DIS3L2: variants seen among roughly 807,000 people sequenced by gnomAD.
DIS3L2 encodes DIS3 like 3'-5' exoribonuclease 2.
Under a neutral mutation model 97.5 loss-of-function variants are expected in DIS3L2, and 34 were observed. That is an observed-to-expected ratio of 0.35 (90% confidence interval 0.27 to 0.46). The LOEUF (loss-of-function observed/expected upper bound fraction) is 0.46, where lower values mean the gene tolerates loss of function less well. DIS3L2 is among the 20% of genes least tolerant of loss of function. The pLI is 1.00. For missense variants in DIS3L2, 1,038 were observed against 1,146.0 expected, an observed-to-expected ratio of 0.91 and a Z score of 1.36; for synonymous variants, 435 against 445.2, an observed-to-expected ratio of 0.98 and a Z score of 0.29.
intron 6 of DIS3L2, among the ~76,000 whole-genome samples, chr2:232,091,609 G>A (rs1329599136): frequency 6.6e-6 from 1 of 152,150 alleles, no homozygotes; most frequent in East Asian, 1.9e-4. Flanking sequence ...AGTGCTGCGA[G>A]AAACATGGGA....
chr2:231,982,061 TTGG>T (rs1345108639), intron 1 of DIS3L2, among the ~76,000 whole-genome samples: 23 of 151,668 alleles, frequency 1.5e-4, no homozygotes, highest in Non-Finnish European at 2.7e-4. Flanking sequence ...GAAATACTAG[TTGG>T]TGATAAATTT....
At chr2:232,267,152 C>A (rs531213675) in intron 13 of DIS3L2, among the ~76,000 whole-genome samples, 1 of 152,332 alleles carries the variant, frequency 6.6e-6, no homozygotes, top group South Asian at 2.1e-4. Context: ...CCCTCAGGGC[C>A]ACCTAGTCTG....
intron 10 of DIS3L2, among the ~76,000 whole-genome samples, chr2:232,225,389 G>A (rs1692618117): frequency 6.6e-6 from 1 of 152,106 alleles, no homozygotes; most frequent in African/African-American, 2.4e-5. Context: ...ATATTATATA[G>A]CAACAGAGTG....
intron 6 of DIS3L2, among the ~76,000 whole-genome samples, chr2:232,120,314 C>T (rs1009119923): frequency 6.6e-6 from 1 of 152,176 alleles, no homozygotes; most frequent in African/African-American, 2.4e-5. Flanking sequence ...GTGCTGGCAT[C>T]CATGAGATTT....
rs1004028864 is a variant in DIS3L2, at chr2:232,041,845, A to G, written c.366+11765A>G. Among the ~76,000 whole-genome samples, 5 of 152,346 alleles carry G rather than the reference A, an allele frequency of 3.3e-5. No individual in the cohort carries two copies. In the Middle Eastern group the frequency reaches 0.01, roughly 311 times the overall value. ...ATACATTGATACCTGTTGGAAACCT[A>G]TAATGCTAGGGACTCATTTATTTCT... On this transcript the variant is annotated intron_variant, in intron 5 of 20. Transcript: ENST00000325385.
At chr2:232,329,602 CG>C (rs1695672144) in intron 14 of DIS3L2, 2 of 462,646 alleles carry the variant, frequency 4.3e-6, no homozygotes, top group African/African-American at 4.0e-5. Context: ...GAGGAGAAGG[CG>C]GTGTAGACCA....
At chr2:232,017,567 C>T (rs765194479) in intron 3 of DIS3L2, among the ~76,000 whole-genome samples, 13 of 152,166 alleles carry the variant, frequency 8.5e-5, no homozygotes, top group Non-Finnish European at 1.0e-4. Flanking sequence ...TTTCTTGGCC[C>T]TTCTCTTGTT....
intron 6 of DIS3L2, among the ~76,000 whole-genome samples, chr2:232,110,329 A>C (rs184302932): frequency 6.6e-4 from 101 of 152,334 alleles, no homozygotes; most frequent in Non-Finnish European, 1.1e-3. Context: ...TTGACCCAGC[A>C]ATCTCATTAC....
chr2:232,272,530 A>T (rs115253231), intron 13 of DIS3L2, among the ~76,000 whole-genome samples: 1,716 of 152,302 alleles, frequency 0.011, 29 homozygotes, highest in African/African-American at 0.038. Flanking sequence ...AAAGGTATGG[A>T]GTACCCACGC....
At chr2:232,004,019 G>A (rs1297385147) in intron 1 of DIS3L2, among the ~76,000 whole-genome samples, 2 of 152,026 alleles carry the variant, frequency 1.3e-5, no homozygotes, top group Admixed American at 6.6e-5. Flanking sequence ...TTTAGCCAGT[G>A]TTTCTTCATT....
At chr2:232,245,837 A>C (rs1693232265) in intron 11 of DIS3L2, among the ~76,000 whole-genome samples, 1 of 152,226 alleles carries the variant, frequency 6.6e-6, no homozygotes, top group African/African-American at 2.4e-5. Context: ...TAGCCAAAAC[A>C]GTGTAGCTTA....
chr2:232,034,389 C>CT (rs1694896471), intron 5 of DIS3L2, among the ~76,000 whole-genome samples: 1 of 152,102 alleles, frequency 6.6e-6, no homozygotes, highest in African/African-American at 2.4e-5. Context: ...ACTGGTCTAT[C>CT]TATTTTGTTA....
At chr2:231,963,844 G>A (rs1028591257) in intron 1 of DIS3L2, among the ~76,000 whole-genome samples, 1 of 151,938 alleles carries the variant, frequency 6.6e-6, no homozygotes, top group Non-Finnish European at 1.5e-5. Flanking sequence ...TCAGCCTCCC[G>A]AGTAGCTGAG....
In DIS3L2 at chr2:232,325,464, C is replaced by T. The variant is rs1695545668; in HGVS notation, c.1740-4349C>T. 6.6e-6 allele frequency among the ~76,000 whole-genome samples: 1 copy of T among 152,156 alleles called. No individual in the cohort carries two copies. Among genetic ancestry groups the T allele is most frequent in the African/African-American group, 2.4e-5 (1 of 41,424 alleles). ...TGTCTGCCACAGTTTGTGAGGGGCT[C>T]GCTGAGCCTCATACCTGAGCCTCCC... On this transcript the variant is annotated intron_variant, in intron 14 of 20. Coordinates refer to ENST00000325385, the MANE Select transcript of DIS3L2 (RefSeq NM_152383.5). This position sits in a 1 kb window ranked among gnomAD's most constrained non-coding sequence, Gnocchi z 4.6.
At chr2:232,172,507 G>T in intron 9 of DIS3L2, 8 of 355,896 alleles carry the variant, frequency 2.2e-5, no homozygotes, top group South Asian at 1.6e-4. Context: ...ATATTCTGTT[G>T]TATGGATATT....
chr2:232,227,504 A>C (rs1182485825), intron 10 of DIS3L2, among the ~76,000 whole-genome samples: 1 of 152,254 alleles, frequency 6.6e-6, no homozygotes, highest in East Asian at 1.9e-4. Flanking sequence ...TGAGACCACC[A>C]GTATGGTGGA....
At chr2:232,329,785 T>TCCCGGGGGCAC in intron 14 of DIS3L2, 28 bp from the exon 15 acceptor site, 1 of 967,144 alleles carries the variant, frequency 1.0e-6, no homozygotes, top group Non-Finnish European at 1.5e-6. Flanking sequence ...ACCCCAGCGG[T>TCCCGGGGGCAC]CCCTCCCATC....
At chr2:232,315,676 G>A (rs1053795957) in intron 14 of DIS3L2, among the ~76,000 whole-genome samples, 2 of 152,156 alleles carry the variant, frequency 1.3e-5, no homozygotes, top group African/African-American at 4.8e-5. Flanking sequence ...TTCACGTATT[G>A]AAGAAGAACA....
intron 14 of DIS3L2, among the ~76,000 whole-genome samples, chr2:232,321,389 G>A (rs930761005): frequency 4.6e-5 from 7 of 152,178 alleles, no homozygotes; most frequent in African/African-American, 7.2e-5. Flanking sequence ...ACTCCCTCTT[G>A]GAACAGTCTA....
Sources: gnomAD v4.1 joint callset for allele counts (sites outside exome capture counted in the v4.1 genomes callset) on GRCh38, gnomAD v4.1.1 for gene constraint, Gnocchi (gnomAD v3.1) non-coding constraint, MANE v1.5 for transcripts, NCBI Gene and HGNC (gene_info 2026-07-23, HGNC 2026-07-21) for gene names.